SRD5A2: variants seen among roughly 807,000 people sequenced by gnomAD.
SRD5A2 encodes steroid 5 alpha-reductase 2, also known as 3-oxo-5-alpha-steroid 4-dehydrogenase 2.
SRD5A2 carries 30 observed loss-of-function variants against 27.4 expected under a neutral mutation model. The observed-to-expected ratio is 1.10, with a 90% CI of 0.82 to 1.49. The LOEUF is 1.49. SRD5A2 is among the 40% of genes most tolerant of loss of function. SRD5A2 has a pLI of 0.00. For synonymous variants in SRD5A2, 141 were observed against 133.6 expected (o/e 1.06, Z -0.38); for missense variants, 348 against 323.4 (o/e 1.08, Z -0.58).
rs951921918 is a variant in SRD5A2 at position 31,524,708 on chromosome 2, T to C, written c.*1488A>G. ...TTTCCTATGTGACTTATATAGTGAG[T>C]TTCTGTGCTTAGTACCACTGGTGCT... On this transcript the variant is annotated 3_prime_UTR_variant, in exon 5 of 5. Transcript: ENST00000622030. 2 of 230,920 alleles carry C rather than the reference T, an allele frequency of 8.7e-6. No homozygotes were observed. The highest frequency in any genetic ancestry group is 2.2e-5 in the African/African-American group (1 of 45,240). The allele number at this position is 230,920 out of a possible 1,614,324, so 14.3% of individuals were successfully genotyped here.
the SRD5A2 span, among the ~76,000 whole-genome samples, chr2:31,589,647 C>A: frequency 2.0e-5 from 3 of 152,164 alleles, no homozygotes; most frequent in African/African-American, 7.2e-5. Context: ...GAAGGGAGGG[C>A]AGCCAGTAGA....
At chr2:31,578,775 T>G (rs1572658858) in intron 1 of SRD5A2, among the ~76,000 whole-genome samples, 1 of 150,046 alleles carries the variant, frequency 6.7e-6, no homozygotes, top group Middle Eastern at 3.4e-3. Flanking sequence ...TATGCATAAT[T>G]ACTCCTTTGG....
At chr2:31,560,067 C>A (rs932106796) in intron 1 of SRD5A2, among the ~76,000 whole-genome samples, 8 of 130,466 alleles carry the variant, frequency 6.1e-5, no homozygotes, top group Non-Finnish European at 8.2e-5. Context: ...CCCCCCCCCC[C>A]CTTTTTTTAA....
In SRD5A2 at chr2:31,525,669, C is replaced by T. The variant is rs909096851; in HGVS notation, c.*527G>A. The stretch of plus-strand genomic sequence containing the variant: ...TCTACCTAATAATTTCTCATCTTTC[C>T]TAATTAACCAAGAAAAAGGAAGCCA... On this transcript the variant is annotated 3_prime_UTR_variant, in exon 5 of 5. Transcript: ENST00000622030. 2.2e-5 allele frequency: 5 copies of T among 228,128 alleles called. No individual in the cohort carries two copies. The highest frequency in any genetic ancestry group is 1.1e-4 in the African/African-American group (5 of 45,018). 14.1% of individuals were successfully genotyped at this position (228,128 alleles called of 1,614,324 possible).
the SRD5A2 span, among the ~76,000 whole-genome samples, chr2:31,625,500 C>T: frequency 1.3e-5 from 2 of 152,114 alleles, no homozygotes; most frequent in East Asian, 3.9e-4. Context: ...TTAGGTCTAA[C>T]ATTTAAGTCT....
chr2:31,592,982 C>T, the SRD5A2 span, among the ~76,000 whole-genome samples: 9 of 151,922 alleles, frequency 5.9e-5, no homozygotes, highest in East Asian at 1.9e-4. Flanking sequence ...AAATTGGAAA[C>T]CATCATTCTC....
chr2:31,593,166 C>G, the SRD5A2 span, among the ~76,000 whole-genome samples: 1 of 151,870 alleles, frequency 6.6e-6, no homozygotes, highest in African/African-American at 2.4e-5. Flanking sequence ...TGCTAAATGA[C>G]GAGTTAATGG....
At chr2:31,597,482 G>A in the SRD5A2 span, among the ~76,000 whole-genome samples, 3 of 152,132 alleles carry the variant, frequency 2.0e-5, no homozygotes, top group Middle Eastern at 3.4e-3. Flanking sequence ...AAAAGCTTCT[G>A]CATAGCAAAA....
At chr2:31,546,250 C>T (rs1243843503) in intron 1 of SRD5A2, among the ~76,000 whole-genome samples, 2 of 151,412 alleles carry the variant, frequency 1.3e-5, no homozygotes, top group African/African-American at 4.9e-5. Flanking sequence ...AAAGCCAAAA[C>T]AATTTTGAAA....
chr2:31,587,100 C>T, the SRD5A2 span, among the ~76,000 whole-genome samples: 2 of 152,090 alleles, frequency 1.3e-5, no homozygotes, highest in South Asian at 2.1e-4. Context: ...AAAGATACTC[C>T]CCAAAAGAAG....
chr2:31,522,508 A>G lies in SRD5A2; in HGVS notation c.*3688T>C, dbSNP rs1665678632. 1 of 190,812 alleles carries G rather than the reference A, an allele frequency of 5.2e-6. No homozygotes were observed. The highest frequency in any genetic ancestry group is 1.1e-5 in the Non-Finnish European group (1 of 91,060). 11.8% of individuals were successfully genotyped at this position (190,812 alleles called of 1,614,324 possible). ...GTGCATACTTTAACCTTCTCCAGTT[A>G]TTTATTTTATTCATCCAAATCTCAA... On this transcript the variant is annotated 3_prime_UTR_variant, in exon 5 of 5. Transcript: ENST00000622030.
intron 1 of SRD5A2, among the ~76,000 whole-genome samples, chr2:31,578,795 T>A (rs977954209): frequency 1.3e-5 from 2 of 152,138 alleles, no homozygotes; most frequent in Non-Finnish European, 2.9e-5. Flanking sequence ...GGTTTTTTTT[T>A]AAATGCACCG....
the SRD5A2 span, among the ~76,000 whole-genome samples, chr2:31,628,738 G>A: frequency 6.6e-6 from 1 of 152,094 alleles, no homozygotes; most frequent in African/African-American, 2.4e-5. Context: ...TAGTTTGGCT[G>A]GATATGACAT....
At chr2:31,642,986 GA>G in the SRD5A2 span, among the ~76,000 whole-genome samples, 1 of 151,104 alleles carries the variant, frequency 6.6e-6, no homozygotes, top group Non-Finnish European at 1.5e-5. Context: ...ATTTACGGTG[GA>G]AAAAAAAAGA....
the SRD5A2 span, among the ~76,000 whole-genome samples, chr2:31,586,684 C>G: frequency 6.6e-6 from 1 of 152,212 alleles, no homozygotes; most frequent in Non-Finnish European, 1.5e-5. Flanking sequence ...CATAGCATTA[C>G]TGGGATTGTG....
intron 1 of SRD5A2, among the ~76,000 whole-genome samples, chr2:31,569,841 T>G (rs1252790468): frequency 6.6e-6 from 1 of 152,124 alleles, no homozygotes; most frequent in African/African-American, 2.4e-5. Flanking sequence ...AGGCAAAAAT[T>G]TTTTAGATAT....
At chr2:31,568,563 G>A (rs983886764) in intron 1 of SRD5A2, among the ~76,000 whole-genome samples, 1 of 152,098 alleles carries the variant, frequency 6.6e-6, no homozygotes, top group Non-Finnish European at 1.5e-5. Context: ...AGCAGGTTCA[G>A]AAAAAGCACC....
chr2:31,641,739 A>G, the SRD5A2 span, among the ~76,000 whole-genome samples: 7 of 152,136 alleles, frequency 4.6e-5, no homozygotes, highest in Admixed American at 4.6e-4. Flanking sequence ...CAATGAACAC[A>G]GAAAAAGTTT....
chr2:31,548,156 G>T (rs984011482), intron 1 of SRD5A2, among the ~76,000 whole-genome samples: 11 of 152,134 alleles, frequency 7.2e-5, no homozygotes, highest in African/African-American at 2.4e-4. Context: ...AGAAAACGTA[G>T]GACAAAAGCA....
Sources: allele counts gnomAD v4.1 joint callset (sites outside exome capture counted in the v4.1 genomes callset), GRCh38; gene constraint gnomAD v4.1.1; transcripts MANE v1.5; gene names NCBI Gene and HGNC (gene_info 2026-07-23, HGNC 2026-07-21).